The following REPS1 variants were observed in gnomAD, a reference collection of about 807,000 sequenced individuals.
The protein encoded by REPS1 is RALBP1 associated Eps domain containing 1.
A neutral mutation model predicts 100.9 loss-of-function variants in REPS1; 39 were observed. The observed-to-expected ratio is 0.39, with a 90% CI of 0.30 to 0.50. The LOEUF (loss-of-function observed/expected upper bound fraction) is 0.50, where lower values mean the gene tolerates loss of function less well. Ranked by LOEUF, REPS1 falls within the 20% of genes least tolerant of loss-of-function variation. The pLI is 0.86. For synonymous variants in REPS1, 324 were observed against 340.3 expected (o/e 0.95, Z 0.53); for missense variants, 821 against 968.5 (o/e 0.85, Z 2.02).
chr6:138,945,533 T>C lies in REPS1; in HGVS notation c.442A>G (p.Thr148Ala), dbSNP rs1333484658. The C allele has an allele frequency of 3.1e-6, 5 of 1,611,012 alleles. No homozygotes were observed. Among genetic ancestry groups the C allele is most frequent in the South Asian group, 1.1e-5 (1 of 90,404 alleles). The change falls in exon 3 of 20, where the codon ACG becomes GCG. Residue 148 changes from threonine to alanine, a missense_variant. Transcript: ENST00000450536. Reference protein sequence around the residue: ...QVKKGSVSHDTVQPRTSADAQ... With the variant: ...QVKKGSVSHDAVQPRTSADAQ... ...TCTGCAGATGTACGAGGCTGAACCG[T>C]ATCATGGCTTACGGATCCCTTTTTC... is the stretch of plus-strand genomic sequence containing the variant.
intron 14 of REPS1, chr6:138,915,068 T>C (rs1397527676): frequency 3.4e-6 from 1 of 291,160 alleles, no homozygotes; most frequent in African/African-American, 2.2e-5. Flanking sequence ...TGTTTAGGTA[T>C]CAAATGAAAA....
chr6:138,928,929 G>A (rs1781317981), intron 9 of REPS1: 1 of 152,124 alleles, frequency 6.6e-6, no homozygotes. Context: ...ATGTTATAAT[G>A]TCTCAGACAC....
chr6:138,967,374 A>C (rs1000860456), intron 1 of REPS1, among the ~76,000 whole-genome samples: 2 of 152,212 alleles, frequency 1.3e-5, no homozygotes, highest in Non-Finnish European at 2.9e-5. Context: ...ACTCCTTTGA[A>C]AAATAACACA....
chr6:138,923,506 A>G (rs954140686), intron 10 of REPS1, among the ~76,000 whole-genome samples: 22 of 152,220 alleles, frequency 1.4e-4, no homozygotes, highest in Admixed American at 1.3e-3. Flanking sequence ...GTTAACTAGC[A>G]TTTTCATATA....
At chr6:138,929,822 A>C (rs1781374917) in intron 9 of REPS1, 155 bp downstream of exon 9, 2 of 697,490 alleles carry the variant, frequency 2.9e-6, no homozygotes, top group South Asian at 5.2e-5. Context: ...AACCTCGAAA[A>C]AGTCACATAA....
intron 9 of REPS1, chr6:138,928,823 CCTCT>C (rs978527509): frequency 2.0e-5 from 3 of 152,014 alleles, no homozygotes; most frequent in South Asian, 2.1e-4. Context: ...TTCCATAAAC[CCTCT>C]CTATTAGCAA....
intron 12 of REPS1, among the ~76,000 whole-genome samples, chr6:138,918,779 A>G (rs1394866649): frequency 2.0e-5 from 3 of 152,206 alleles, no homozygotes; most frequent in Non-Finnish European, 4.4e-5. Context: ...CAGAGGAAAC[A>G]TTTATTTTCA....
In REPS1 at chr6:138,987,596, C is replaced by T. The variant is rs1201390399; in HGVS notation, c.87G>A (p.Val29=). The change falls in exon 1 of 20, where the codon GTG becomes GTA. Residue 29 remains valine, a synonymous_variant. Coordinates refer to ENST00000450536, the MANE Select transcript of REPS1 (RefSeq NM_001286611.2). ...SYCDIESTKK[V]VVNGRVLELF... ...GCTCCAGCACCCGCCCGTTGACCAC[C>T]ACCTTCTTGGTGCTCTCAATGTCGC... 6.4e-7 allele frequency: 1 copy of T among 1,551,020 alleles called. No individual in the cohort carries two copies. Among genetic ancestry groups the T allele is most frequent in the Non-Finnish European group, 8.7e-7 (1 of 1,146,716 alleles).
chr6:138,942,994 T>TGCCTCG (rs1305273557), intron 7 of REPS1, among the ~76,000 whole-genome samples: 1 of 152,180 alleles, frequency 6.6e-6, no homozygotes, highest in Non-Finnish European at 1.5e-5. Flanking sequence ...GTAATCCACC[T>TGCCTCG]GCCTCGGCCT....
intron 10 of REPS1, among the ~76,000 whole-genome samples, chr6:138,924,484 C>T (rs1212540186): frequency 2.0e-5 from 3 of 152,158 alleles, no homozygotes; most frequent in African/African-American, 4.8e-5. Flanking sequence ...CAATTTATTT[C>T]GCTTCTGAGT....
rs1003560430 is a variant in REPS1 at position 138,959,165 on chromosome 6, C to G, written c.154-11252G>C. ...AGTCCTGAAGCATGTTTTGATTTTC[C>G]ACATTGCTTAGCACATAGTGACAGC... On this transcript the variant is annotated intron_variant, in intron 1 of 19. Transcript: ENST00000450536. 3.3e-5 allele frequency among the ~76,000 whole-genome samples: 5 copies of G among 152,162 alleles called. 1 individual carries two copies. The highest frequency in any genetic ancestry group is 4.1e-4 in the South Asian group (2 of 4,826).
At chr6:138,941,189 TC>T in intron 8 of REPS1, 145 bp downstream of exon 8, 1 of 852,602 alleles carries the variant, frequency 1.2e-6, no homozygotes, top group South Asian at 1.8e-5. Context: ...GGCCCATACA[TC>T]CTATTCTGAT....
At chr6:138,912,984 T>G (rs1255560847) in intron 15 of REPS1, 34 bp from the exon 16 acceptor site, 1 of 1,556,814 alleles carries the variant, frequency 6.4e-7, no homozygotes, top group Non-Finnish European at 8.7e-7. Flanking sequence ...GAACACACAT[T>G]CTATCAGCCT....
chr6:138,909,422 C>T (rs1275920887), intron 17 of REPS1, among the ~76,000 whole-genome samples: 3 of 152,186 alleles, frequency 2.0e-5, no homozygotes, highest in Non-Finnish European at 4.4e-5. Context: ...TAGTCAACTG[C>T]TATCTCTTTA....
In REPS1 at chr6:138,959,120, C is replaced by T. The variant is rs1783578932; in HGVS notation, c.154-11207G>A. Among the ~76,000 whole-genome samples the T allele has an allele frequency of 2.0e-5, 3 of 152,168 alleles. No individual in the cohort carries two copies. In the South Asian group the frequency reaches 6.2e-4, roughly 32 times the overall value. ...TTTGCCAGGATAATGTCAGCTTCCT[C>T]AGGGCAAGTACCCCCAAGAAGTCCT... On this transcript the variant is annotated intron_variant, in intron 1 of 19. Coordinates refer to ENST00000450536, the MANE Select transcript of REPS1 (RefSeq NM_001286611.2).
rs542781363 is a variant in REPS1 at position 138,974,728 on chromosome 6, T to C, written c.153+12802A>G. Among the ~76,000 whole-genome samples, 95 of 152,282 alleles carry C rather than the reference T, an allele frequency of 6.2e-4. 2 individuals are homozygous for C. In the South Asian group the frequency reaches 0.01, roughly 17 times the overall value. On this transcript the variant is annotated intron_variant, in intron 1 of 19. Transcript: ENST00000450536. ...ATCTCTGGGACAATATCAGAGTTAATTAACTCTGAAAGGATATTTCAAATA... is the reference window on the plus strand; with the variant it reads ...ATCTCTGGGACAATATCAGAGTTAACTAACTCTGAAAGGATATTTCAAATA...
chr6:138,915,700 G>GC (rs1256314012), intron 14 of REPS1, among the ~76,000 whole-genome samples, 158 bp downstream of exon 14: 1 of 152,012 alleles, frequency 6.6e-6, no homozygotes, highest in Non-Finnish European at 1.5e-5. Flanking sequence ...TGATCTGCCT[G>GC]CCCCTCAAAG....
At chr6:138,987,355 C>A (rs1204905445) in intron 1 of REPS1, among the ~76,000 whole-genome samples, 175 bp downstream of exon 1, 1 of 152,196 alleles carries the variant, frequency 6.6e-6, no homozygotes, top group Non-Finnish European at 1.5e-5. Context: ...ACCCCCTCCC[C>A]CTTGGCCGCG....
chr6:138,976,175 CA>C (rs961739184), intron 1 of REPS1, among the ~76,000 whole-genome samples: 1 of 150,322 alleles, frequency 6.7e-6, no homozygotes, highest in African/African-American at 2.4e-5. Flanking sequence ...AATGAGACAC[CA>C]AAAAAAAACT....
Sources: gnomAD v4.1 joint callset for allele counts (sites outside exome capture counted in the v4.1 genomes callset) on GRCh38, gnomAD v4.1.1 for gene constraint, MANE v1.5 for transcripts, NCBI Gene and HGNC (gene_info 2026-07-23, HGNC 2026-07-21) for gene names.